CFAP251: variants seen among roughly 807,000 people sequenced by gnomAD.
CFAP251 encodes the protein cilia- and flagella-associated protein 251.
Under a neutral mutation model 126.7 loss-of-function variants are expected in CFAP251, and 93 were observed. That is an observed-to-expected ratio of 0.73 (90% confidence interval 0.62 to 0.87). The LOEUF is 0.87. CFAP251 is among the 40% of genes least tolerant of loss of function. The pLI is 0.00. For synonymous variants in CFAP251, 503 were observed against 506.9 expected, an observed-to-expected ratio of 0.99 and a Z score of 0.10; for missense variants, 1,287 against 1,389.2, an observed-to-expected ratio of 0.93 and a Z score of 1.17.
rs754568191 is a variant in CFAP251 at position 121,989,200 on chromosome 12, C to G, written c.3007-10516C>G. 6.6e-6 allele frequency among the ~76,000 whole-genome samples: 1 copy of G among 152,176 alleles called. No homozygotes were observed. Among genetic ancestry groups the G allele is most frequent in the East Asian group, 1.9e-4 (1 of 5,200 alleles). On this transcript the variant is annotated intron_variant, in intron 19 of 21. Coordinates refer to ENST00000288912, the MANE Select transcript of CFAP251 (RefSeq NM_144668.6). This position sits in a 1 kb window ranked among gnomAD's most constrained non-coding sequence, Gnocchi z 4.2. ...TCAGCTAGGACTGTCTCTTTCAGACCTTTGAAAACATTCACTGGGAAGGGA... is the reference window on the plus strand; with the variant it reads ...TCAGCTAGGACTGTCTCTTTCAGACGTTTGAAAACATTCACTGGGAAGGGA...
chr12:121,985,702 C>T (rs1392679217), intron 19 of CFAP251, among the ~76,000 whole-genome samples: 2 of 151,986 alleles, frequency 1.3e-5, no homozygotes, highest in African/African-American at 4.8e-5. Context: ...CTTAGGCAAG[C>T]CTCTTGCTTT....
At chr12:121,923,017 G>A (rs1390009529) in intron 2 of CFAP251, among the ~76,000 whole-genome samples, 1 of 151,780 alleles carries the variant, frequency 6.6e-6, no homozygotes, top group Non-Finnish European at 1.5e-5. Context: ...GGATGGTCTC[G>A]ATCTCCTGAC....
chr12:121,923,871 C>G lies in CFAP251; in HGVS notation c.628C>G (p.Gln210Glu), dbSNP rs377324406. The change falls in exon 3 of 22, where the codon CAA becomes GAA. Residue 210 changes from glutamine (Q) to glutamate (E), a missense_variant. By Grantham distance (29) the Gln-to-Glu change is conservative (BLOSUM62 2). Transcript: ENST00000288912. ...DLEPENREEG[Q>E]ERRVSDIQSK... ...GGAGCCAGAAAACAGAGAGGAGGGA[C>G]AAGAAAGGAGAGTATCCGACATCCA... 2 of 1,614,076 alleles carry G rather than the reference C, an allele frequency of 1.2e-6. No individual in the cohort carries two copies. Among genetic ancestry groups the G allele is most frequent in the Admixed American group, 1.7e-5 (1 of 59,994 alleles).
Position 121,966,968 on chromosome 12 carries a change from G to C in CFAP251, c.2506G>C (p.Gly836Arg). 6.2e-7 allele frequency: 1 copy of C among 1,614,094 alleles called. No individual in the cohort carries two copies. ...TTKMCRKTLL[G>R]PAYGSPIEQT... ...TTTTGCCTTCAGAAAGACGCTTCTG[G>C]GGCCAGCTTATGGTTCCCCTATTGA... The change falls in exon 16 of 22, where the codon GGG (glycine) becomes CGG (arginine). Residue 836 changes from glycine (G) to arginine (R), a missense_variant. By Grantham distance (125) the Gly-to-Arg change is moderately radical. Coordinates refer to ENST00000288912, the MANE Select transcript of CFAP251 (RefSeq NM_144668.6).
intron 19 of CFAP251, among the ~76,000 whole-genome samples, chr12:121,983,626 C>T (rs941989795): frequency 3.3e-5 from 5 of 152,018 alleles, no homozygotes; most frequent in African/African-American, 7.2e-5. Context: ...AAGGTTTGCA[C>T]TGGATGTTGT....
chr12:121,976,061 T>C (rs917304181), intron 19 of CFAP251, among the ~76,000 whole-genome samples: 1 of 151,624 alleles, frequency 6.6e-6, no homozygotes, highest in Non-Finnish European at 1.5e-5. Context: ...CAGGTTGGAC[T>C]GCAGTGGCAC....
rs1320917484 is a variant in CFAP251, at chr12:121,961,974, G to T, written c.2308-4G>T. On this transcript the variant is annotated splice_region_variant and splice_polypyrimidine_tract_variant and intron_variant, in intron 14 of 21. Transcript: ENST00000288912. ...CATGTGTGTCCATCTGGGCTCCTCT[G>T]CAGATAGAGTATGATCTTCTCAGGA... 1 of 1,612,696 alleles carries T rather than the reference G, an allele frequency of 6.2e-7. No individual in the cohort carries two copies.
chr12:121,948,818 C>A, intron 7 of CFAP251, 166 bp from the exon 8 acceptor site: 2 of 473,954 alleles, frequency 4.2e-6, no homozygotes, highest in Non-Finnish European at 7.4e-6. Flanking sequence ...ATTTTAATCA[C>A]CAGTATTTAA....
chr12:121,928,640 A>ATATATATACGTG (rs1555215921), intron 3 of CFAP251, among the ~76,000 whole-genome samples: 2 of 16,100 alleles, frequency 1.2e-4, no homozygotes, highest in African/African-American at 8.2e-4. Flanking sequence ...ATATATACGT[A>ATATATATACGTG]TATATATATA....
chr12:121,979,057 C>G (rs1023199444), intron 19 of CFAP251, among the ~76,000 whole-genome samples: 5 of 152,152 alleles, frequency 3.3e-5, no homozygotes, highest in Admixed American at 3.3e-4. Context: ...GCAATATAAA[C>G]TGTGGTCCCA....
chr12:121,947,079 G>A (rs575010598), intron 7 of CFAP251, among the ~76,000 whole-genome samples: 39 of 152,118 alleles, frequency 2.6e-4, no homozygotes, highest in East Asian at 2.1e-3. Context: ...TTACATATAC[G>A]TTAGACCTTT....
At chr12:121,937,939 A>G (rs1474477515) in intron 5 of CFAP251, among the ~76,000 whole-genome samples, 4 of 152,212 alleles carry the variant, frequency 2.6e-5, no homozygotes, top group South Asian at 4.2e-4. Context: ...TGTCCTTTCT[A>G]TGGCGGAATC....
chr12:121,972,907 A>G (rs974330563), intron 17 of CFAP251, among the ~76,000 whole-genome samples: 1 of 152,200 alleles, frequency 6.6e-6, no homozygotes, highest in East Asian at 1.9e-4. Context: ...CAGCCTGACT[A>G]TGTGATAGAA....
At position 121,942,889 on chromosome 12, in the gene CFAP251, C is replaced by T. The variant is rs971177919; in HGVS notation, c.1111-6C>T. The T allele has an allele frequency of 1.3e-5, 21 of 1,614,006 alleles. No homozygotes were observed. The highest frequency in any genetic ancestry group is 1.7e-5 in the Admixed American group (1 of 60,004). Reference sequence around the variant, plus strand: ...CTCATGCCCCTCTCTCTACTGTCACCTACAGAAGGTATGCATCTGGAAGTG... The same window carrying T: ...CTCATGCCCCTCTCTCTACTGTCACTTACAGAAGGTATGCATCTGGAAGTG... On this transcript the variant is annotated splice_region_variant and splice_polypyrimidine_tract_variant and intron_variant, in intron 6 of 21. Coordinates refer to ENST00000288912, the MANE Select transcript of CFAP251 (RefSeq NM_144668.6).
chr12:121,960,514 G>A, intron 13 of CFAP251, 71 bp from the exon 14 acceptor site: 1 of 1,560,916 alleles, frequency 6.4e-7, no homozygotes, highest in Non-Finnish European at 8.8e-7. Context: ...CACCGCGCCT[G>A]GCCCATAATG....
intron 15 of CFAP251, among the ~76,000 whole-genome samples, chr12:121,963,865 G>A (rs1882032529): frequency 6.6e-6 from 1 of 151,740 alleles, no homozygotes; most frequent in Admixed American, 6.6e-5. Context: ...CCTCGACACA[G>A]CCCTGGCTTT....
intron 4 of CFAP251, chr12:121,932,861 A>T (rs752382543): frequency 6.6e-6 from 1 of 152,370 alleles, no homozygotes; most frequent in Non-Finnish European, 1.5e-5. Flanking sequence ...CACTGAACAC[A>T]GTGGTGATGG....
chr12:121,976,367 G>A (rs1389157432), intron 19 of CFAP251, among the ~76,000 whole-genome samples: 1 of 152,100 alleles, frequency 6.6e-6, no homozygotes, highest in Non-Finnish European at 1.5e-5. Flanking sequence ...ACGGTGCTGG[G>A]TGCACAGGAA....
At chr12:121,948,625 C>A in intron 7 of CFAP251, 1 of 164,742 alleles carries the variant, frequency 6.1e-6, no homozygotes, top group Non-Finnish European at 1.3e-5. Context: ...GAGGCTGAGG[C>A]AGGAGAATTA....
Sources: gnomAD v4.1 joint callset for allele counts (sites outside exome capture counted in the v4.1 genomes callset) on GRCh38, gnomAD v4.1.1 for gene constraint, Gnocchi (gnomAD v3.1) non-coding constraint, MANE v1.5 for transcripts, NCBI Gene and HGNC (gene_info 2026-07-23, HGNC 2026-07-21) for gene names.